CIMIP4: variants seen among roughly 807,000 people sequenced by gnomAD.
The protein encoded by CIMIP4 is ciliary microtubule inner protein 4, also known as protein EAN57.
chr22:37,004,064 A>G, the CIMIP4 span: 2 of 1,514,130 alleles, frequency 1.3e-6, no homozygotes, highest in Non-Finnish European at 1.8e-6. Context: ...CTCAGATAAC[A>G]CACAGAGTTT....
At chr22:37,004,555 G>C in the CIMIP4 span, among the ~76,000 whole-genome samples, 3 of 152,180 alleles carry the variant, frequency 2.0e-5, no homozygotes, top group Non-Finnish European at 4.4e-5. Context: ...CCACGAAGGA[G>C]AACCAAGAGC....
the CIMIP4 span, among the ~76,000 whole-genome samples, chr22:37,006,998 C>T: frequency 6.6e-6 from 1 of 152,148 alleles, no homozygotes; most frequent in Non-Finnish European, 1.5e-5. Context: ...TGGCCTCTTG[C>T]CAACAGCTCC....
At chr22:36,999,853 T>A in the CIMIP4 span, 39 of 1,613,424 alleles carry the variant, frequency 2.4e-5, no homozygotes, top group Non-Finnish European at 3.2e-5. Context: ...GAAACAAGTT[T>A]GACCGCATGT....
chr22:37,005,396 G>A, the CIMIP4 span, among the ~76,000 whole-genome samples: 162 of 152,240 alleles, frequency 1.1e-3, 1 homozygote, highest in African/African-American at 3.7e-3. Flanking sequence ...CATTTGTTAC[G>A]CAGCAATACA....
chr22:36,997,342 C>G, the CIMIP4 span, among the ~76,000 whole-genome samples: 1 of 152,234 alleles, frequency 6.6e-6, no homozygotes. Flanking sequence ...GGCAGCTTCT[C>G]TAATTCAGTA....
At chr22:36,994,785 C>T in the CIMIP4 span, among the ~76,000 whole-genome samples, 3 of 151,980 alleles carry the variant, frequency 2.0e-5, no homozygotes, top group East Asian at 1.9e-4. Flanking sequence ...CGCCCGCCAC[C>T]GCGCCCGGCT....
At chr22:37,004,586 G>T in the CIMIP4 span, among the ~76,000 whole-genome samples, 1 of 152,182 alleles carries the variant, frequency 6.6e-6, no homozygotes, top group Admixed American at 6.5e-5. Flanking sequence ...ACTTTGCTCT[G>T]GTGTAAACTC....
the CIMIP4 span, among the ~76,000 whole-genome samples, chr22:36,992,756 A>G: frequency 3.3e-5 from 5 of 152,190 alleles, no homozygotes; most frequent in African/African-American, 1.2e-4. Context: ...TAAAGCTGAG[A>G]GAAAATGGTA....
chr22:36,998,798 C>G, the CIMIP4 span, among the ~76,000 whole-genome samples: 8 of 152,150 alleles, frequency 5.3e-5, no homozygotes, highest in Non-Finnish European at 1.2e-4. Flanking sequence ...CCCACCCTTC[C>G]TTTCTTCCCA....
the CIMIP4 span, chr22:36,991,185 C>T: frequency 6.2e-7 from 1 of 1,614,108 alleles, no homozygotes; most frequent in East Asian, 2.2e-5. Context: ...AAAACTAGTA[C>T]TTGGAGCTCT....
At chr22:36,997,321 C>G in the CIMIP4 span, among the ~76,000 whole-genome samples, 4 of 152,332 alleles carry the variant, frequency 2.6e-5, no homozygotes, top group South Asian at 4.1e-4. Flanking sequence ...GTCCCTCAAC[C>G]TGCTCCCCCT....
At chr22:36,993,668 G>C in the CIMIP4 span, among the ~76,000 whole-genome samples, 2 of 151,962 alleles carry the variant, frequency 1.3e-5, no homozygotes, top group Non-Finnish European at 2.9e-5. Context: ...GGCGGAGCTT[G>C]CAGTGAGCTG....
At chr22:37,000,629 G>T in the CIMIP4 span, among the ~76,000 whole-genome samples, 17 of 152,358 alleles carry the variant, frequency 1.1e-4, no homozygotes, top group South Asian at 3.3e-3. Flanking sequence ...GAACTGGATG[G>T]TCTTTGAAGT....
the CIMIP4 span, among the ~76,000 whole-genome samples, chr22:36,996,290 A>G: frequency 2.2e-4 from 33 of 152,314 alleles, no homozygotes; most frequent in African/African-American, 7.5e-4. Flanking sequence ...TAAAGAATCA[A>G]TAACTAATTA....
At chr22:36,991,465 G>T in the CIMIP4 span, 1 of 1,612,050 alleles carries the variant, frequency 6.2e-7, no homozygotes, top group Non-Finnish European at 8.5e-7. Context: ...CCCATCACCC[G>T]CAGCTCCTCA....
At chr22:37,002,083 C>G in the CIMIP4 span, 1 of 1,599,612 alleles carries the variant, frequency 6.3e-7, no homozygotes, top group Non-Finnish European at 8.5e-7. Flanking sequence ...CCAGAGAATC[C>G]CTGCTGGCAG....
the CIMIP4 span, among the ~76,000 whole-genome samples, chr22:36,992,136 CA>C: frequency 6.6e-6 from 1 of 152,110 alleles, no homozygotes; most frequent in African/African-American, 2.4e-5. Flanking sequence ...ATCACGAGGT[CA>C]GGGGTTCGAG....
chr22:37,005,918 G>A, the CIMIP4 span, among the ~76,000 whole-genome samples: 1,489 of 152,292 alleles, frequency 9.8e-3, 24 homozygotes, highest in African/African-American at 0.034. Context: ...GCTTCAGAAG[G>A]CTGTCTGGAA....
chr22:37,002,028 A>T, the CIMIP4 span: 1 of 1,611,984 alleles, frequency 6.2e-7, no homozygotes, highest in Non-Finnish European at 8.5e-7. Flanking sequence ...CTCGAGGAGG[A>T]TCGAGAGCCC....
Sources: allele counts gnomAD v4.1 joint callset (sites outside exome capture counted in the v4.1 genomes callset), GRCh38; gene constraint gnomAD v4.1.1; transcripts MANE v1.5; gene names NCBI Gene and HGNC (gene_info 2026-07-23, HGNC 2026-07-21).